The following AMPH variants were observed in gnomAD, a reference collection of about 807,000 sequenced individuals.
AMPH encodes the protein amphiphysin (Stiff-Mann syndrome with breast cancer 128kD autoantigen).
Under a neutral mutation model 99.1 loss-of-function variants are expected in AMPH, and 49 were observed. That is an observed-to-expected ratio of 0.49 (90% CI 0.39 to 0.63). The LOEUF (loss-of-function observed/expected upper bound fraction) is 0.63. AMPH is among the 20% of genes least tolerant of loss of function. The probability of loss-of-function intolerance (pLI) is 0.00; values close to 1 mark genes in which losing one functional copy is unlikely to be tolerated. For missense variants in AMPH, 759 were observed against 863.4 expected (o/e 0.88, Z 1.52); for synonymous variants, 314 against 317.3 (o/e 0.99, Z 0.11).
intron 11 of AMPH, among the ~76,000 whole-genome samples, chr7:38,451,342 TATATAC>T (rs1787015749): frequency 6.6e-6 from 1 of 151,362 alleles, no homozygotes; most frequent in Admixed American, 6.6e-5. Context: ...TATATATACA[TATATAC>T]GTTATATACA....
At chr7:38,441,810 C>CTG (rs1554336899) in intron 11 of AMPH, among the ~76,000 whole-genome samples, 35 of 69,652 alleles carry the variant, frequency 5.0e-4, no homozygotes, top group African/African-American at 7.1e-4. Flanking sequence ...ATATATATAT[C>CTG]ATATATATCA....
intron 1 of AMPH, among the ~76,000 whole-genome samples, chr7:38,563,165 G>GAATGAATGAATC (rs556883681): frequency 5.9e-5 from 9 of 152,226 alleles, no homozygotes; most frequent in Non-Finnish European, 1.3e-4. Flanking sequence ...ATGAATGAAT[G>GAATGAATGAATC]AGTGAATGGA....
At chr7:38,542,672 G>C (rs1399272142) in intron 1 of AMPH, among the ~76,000 whole-genome samples, 1 of 152,162 alleles carries the variant, frequency 6.6e-6, no homozygotes, top group Admixed American at 6.5e-5. Flanking sequence ...TAAAAGATGA[G>C]TTAGCAATGT....
At chr7:38,403,792 T>C (rs1784908573) in intron 17 of AMPH, among the ~76,000 whole-genome samples, 1 of 152,214 alleles carries the variant, frequency 6.6e-6, no homozygotes, top group Non-Finnish European at 1.5e-5. Context: ...CATTTCCCAC[T>C]TCCCCCACCC....
chr7:38,517,814 G>A (rs1283821393), intron 2 of AMPH, among the ~76,000 whole-genome samples: 1 of 152,206 alleles, frequency 6.6e-6, no homozygotes, highest in Non-Finnish European at 1.5e-5. Flanking sequence ...ACAATGCTAA[G>A]GGTATAGCCA....
At chr7:38,464,030 C>T in intron 9 of AMPH, 1 of 1,285,260 alleles carries the variant, frequency 7.8e-7, no homozygotes, top group Non-Finnish European at 1.0e-6. Context: ...CAATCATGGC[C>T]TCAGATGGAA....
intron 3 of AMPH, among the ~76,000 whole-genome samples, chr7:38,500,648 C>T (rs1789101004): frequency 6.6e-6 from 1 of 152,210 alleles, no homozygotes; most frequent in African/African-American, 2.4e-5. Context: ...AACTTATCCA[C>T]ATTTTCAAAA....
At position 38,394,156 on chromosome 7, in the gene AMPH, C is replaced by T; in HGVS notation, c.1457G>A (p.Gly486Glu). The T allele has an allele frequency of 6.2e-7, 1 of 1,614,228 alleles. No homozygotes were observed. Among genetic ancestry groups the T allele is most frequent in the Non-Finnish European group, 8.5e-7 (1 of 1,180,036 alleles). Residue 486 changes from glycine (G) to glutamate (E), a missense_variant, in exon 18 of 21, where the codon GGG becomes GAG. Coordinates refer to ENST00000356264, the MANE Select transcript of AMPH (RefSeq NM_001635.4). ...CGCCTCTGCTTCCTCTCCTGGGGCCCCCTCAGCTGCTGACACCAAGGTTCC... is the reference window on the plus strand; with the variant it reads ...CGCCTCTGCTTCCTCTCCTGGGGCCTCCTCAGCTGCTGACACCAAGGTTCC... ...AVGTLVSAAEGAPGEEAEAEK... is the reference protein window; with the variant it reads ...AVGTLVSAAEEAPGEEAEAEK...
chr7:38,547,727 C>T (rs1294937972), intron 1 of AMPH, among the ~76,000 whole-genome samples: 2 of 152,120 alleles, frequency 1.3e-5, no homozygotes, highest in Non-Finnish European at 2.9e-5. Context: ...CATGAGACAT[C>T]AATCAATATG....
intron 1 of AMPH, among the ~76,000 whole-genome samples, chr7:38,621,616 T>C (rs999506020): frequency 3.3e-5 from 5 of 152,162 alleles, no homozygotes; most frequent in African/African-American, 1.2e-4. Context: ...GGAAAAATCA[T>C]ATATATATTT....
chr7:38,408,341 T>A (rs1249618024), intron 17 of AMPH, among the ~76,000 whole-genome samples: 1 of 152,214 alleles, frequency 6.6e-6, no homozygotes, highest in African/African-American at 2.4e-5. Context: ...GATTATAATT[T>A]TTTTTCTTTA....
intron 3 of AMPH, among the ~76,000 whole-genome samples, chr7:38,501,302 T>C (rs1382875981): frequency 6.6e-6 from 1 of 152,214 alleles, no homozygotes; most frequent in Non-Finnish European, 1.5e-5. Flanking sequence ...GCAATTCTCC[T>C]GCCTAAGCCT....
intron 1 of AMPH, among the ~76,000 whole-genome samples, chr7:38,618,151 T>G (rs541945070): frequency 1.3e-5 from 2 of 152,132 alleles, no homozygotes; most frequent in Non-Finnish European, 2.9e-5. Flanking sequence ...AGTAACAACA[T>G]AGGTTAATGC....
intron 11 of AMPH, among the ~76,000 whole-genome samples, chr7:38,441,939 T>A (rs1786572388): frequency 6.6e-6 from 1 of 150,504 alleles, no homozygotes; most frequent in Admixed American, 6.7e-5. Flanking sequence ...AAGAATGAGA[T>A]CATGTTCTTT....
chr7:38,535,813 A>T (rs1790577711), intron 1 of AMPH, among the ~76,000 whole-genome samples: 1 of 152,176 alleles, frequency 6.6e-6, no homozygotes, highest in African/African-American at 2.4e-5. Context: ...CTGATCTGAC[A>T]GGAGGCGGAG....
chr7:38,465,993 A>T (rs1023359047), intron 8 of AMPH, among the ~76,000 whole-genome samples, 180 bp downstream of exon 8: 11 of 152,244 alleles, frequency 7.2e-5, no homozygotes, highest in Admixed American at 1.3e-4. Context: ...CAAAAGATAC[A>T]AAGAACTATG....
intron 1 of AMPH, among the ~76,000 whole-genome samples, chr7:38,628,485 C>T (rs1794335526): frequency 6.6e-6 from 1 of 152,134 alleles, no homozygotes; most frequent in Admixed American, 6.5e-5. Context: ...TATAGAAACA[C>T]TGGAAAAATG....
chr7:38,461,070 T>C (rs73352664), intron 11 of AMPH, among the ~76,000 whole-genome samples: 4,477 of 152,294 alleles, frequency 0.029, 190 homozygotes, highest in African/African-American at 0.1. Flanking sequence ...TATAAGTATA[T>C]ACTACCCTTA....
At chr7:38,422,583 T>TATCC in intron 15 of AMPH, 106 bp from the exon 16 acceptor site, 1 of 774,848 alleles carries the variant, frequency 1.3e-6, no homozygotes, top group East Asian at 2.7e-5. Flanking sequence ...TCTATCTATC[T>TATCC]ATCTATCTAT....
Sources: gnomAD v4.1 joint callset for allele counts (sites outside exome capture counted in the v4.1 genomes callset) on GRCh38, gnomAD v4.1.1 for gene constraint, MANE v1.5 for transcripts, NCBI Gene and HGNC (gene_info 2026-07-23, HGNC 2026-07-21) for gene names.